Variants in ERC2 observed in about 807,000 individuals in gnomAD.
The protein encoded by ERC2 is ERC protein 2.
In ERC2, 42 loss-of-function variants were observed where a neutral mutation model predicts 114.8. The observed-to-expected ratio is 0.37, with a 90% CI of 0.29 to 0.47. The LOEUF (loss-of-function observed/expected upper bound fraction) is 0.47, where lower values mean the gene tolerates loss of function less well. Among genes scored for constraint, ERC2 ranks in the 20% least tolerant of loss-of-function variants. ERC2 has a pLI of 0.99. For synonymous variants in ERC2, 454 were observed against 425.5 expected, an observed-to-expected ratio of 1.07 and a Z score of -0.82; for missense variants, 939 against 1,150.7, an observed-to-expected ratio of 0.82 and a Z score of 2.66.
chr3:55,768,879 A>C (rs1051810460), intron 14 of ERC2, among the ~76,000 whole-genome samples: 2 of 152,156 alleles, frequency 1.3e-5, no homozygotes, highest in African/African-American at 4.8e-5. Context: ...TGAGCATGCA[A>C]TAGAGGGAAC....
intron 14 of ERC2, among the ~76,000 whole-genome samples, chr3:55,880,402 G>C (rs2063061011): frequency 6.6e-6 from 1 of 151,962 alleles, no homozygotes; most frequent in African/African-American, 2.4e-5. Flanking sequence ...TTGTTGTTTT[G>C]TTTTGTTTTT....
chr3:56,051,925 T>C (rs886187120), intron 7 of ERC2, among the ~76,000 whole-genome samples: 1 of 151,754 alleles, frequency 6.6e-6, no homozygotes, highest in South Asian at 2.1e-4. Context: ...TGTCCTAAGA[T>C]GTAGAAAATA....
chr3:56,060,764 T>C (rs375583512), intron 7 of ERC2, among the ~76,000 whole-genome samples: 19 of 152,292 alleles, frequency 1.2e-4, no homozygotes, highest in Admixed American at 8.5e-4. Context: ...AACAGCCAAA[T>C]TGAATCCACA....
chr3:55,583,594 T>TTCCTTCCC (rs1559693923), intron 17 of ERC2, among the ~76,000 whole-genome samples: 10 of 128,322 alleles, frequency 7.8e-5, no homozygotes, highest in Non-Finnish European at 8.5e-5. Context: ...CCTTCCTTCC[T>TTCCTTCCC]AGAAAGGCAA....
chr3:55,803,650 T>C (rs1480608147), intron 14 of ERC2, among the ~76,000 whole-genome samples: 1 of 152,014 alleles, frequency 6.6e-6, no homozygotes, highest in Non-Finnish European at 1.5e-5. Context: ...CAGAATGAAA[T>C]TGCACAGAGC....
chr3:56,067,353 C>T lies in ERC2; in HGVS notation c.1641+13464G>A, dbSNP rs537490587. Among the ~76,000 whole-genome samples the T allele has an allele frequency of 4.6e-5, 7 of 152,140 alleles. No homozygotes were observed. In the East Asian group the frequency reaches 1.4e-3, roughly 29 times the overall value. ...AGTTCATTCATGGCTCTCTGCTTGTCTATTGTTGGTGTATAGGAATGCTTG... is the reference window on the plus strand; with the variant it reads ...AGTTCATTCATGGCTCTCTGCTTGTTTATTGTTGGTGTATAGGAATGCTTG... On this transcript the variant is annotated intron_variant, in intron 7 of 17. Coordinates refer to ENST00000288221, the MANE Select transcript of ERC2 (RefSeq NM_015576.3).
chr3:56,369,852 T>C (rs991493437), intron 2 of ERC2, among the ~76,000 whole-genome samples: 20 of 152,282 alleles, frequency 1.3e-4, no homozygotes, highest in African/African-American at 4.3e-4. Flanking sequence ...AATTTTTGTA[T>C]TTTTAGTAGA....
rs1240937898 is a variant in ERC2 at position 55,876,877 on chromosome 3, AT to A, written c.2564+11511del. The stretch of plus-strand genomic sequence containing the variant: ...GAGCTACATAGTGAGCTGGTCTTTA[AT>A]GCCAAGAAAGCAAGCTAGAATCAAG... On this transcript the variant is annotated intron_variant, in intron 14 of 17. Coordinates refer to ENST00000288221, the MANE Select transcript of ERC2 (RefSeq NM_015576.3). Among the ~76,000 whole-genome samples, 26 of 152,314 alleles carry A rather than the reference AT, an allele frequency of 1.7e-4. No homozygotes were observed. In the South Asian group the frequency reaches 4.1e-3, roughly 24 times the overall value.
chr3:56,355,353 C>T (rs2058708420), intron 2 of ERC2, among the ~76,000 whole-genome samples: 1 of 146,512 alleles, frequency 6.8e-6, no homozygotes, highest in Non-Finnish European at 1.5e-5. Flanking sequence ...CATTCTCACT[C>T]TGTCACCCAG....
Position 55,516,450 on chromosome 3 carries a change from T to C in ERC2, c.*40-5174A>G, listed in dbSNP as rs181779437. Among the ~76,000 whole-genome samples, 104 of 151,692 alleles carry C rather than the reference T, an allele frequency of 6.9e-4. 1 individual carries two copies. In the East Asian group the frequency reaches 0.019, roughly 27 times the overall value. On this transcript the variant is annotated intron_variant, in intron 17 of 17. Coordinates refer to ENST00000288221, the MANE Select transcript of ERC2 (RefSeq NM_015576.3). Reference sequence around the variant, plus strand: ...CCTTGAAACCATAATTCAAAAAATATGAGTGGAGAGCAACATTTTACCTTG... The same window carrying C: ...CCTTGAAACCATAATTCAAAAAATACGAGTGGAGAGCAACATTTTACCTTG...
chr3:55,766,938 C>G (rs2067836673), intron 14 of ERC2: 1 of 152,290 alleles, frequency 6.6e-6, no homozygotes, highest in Admixed American at 6.5e-5. Flanking sequence ...TATCTTCCCT[C>G]TTATCATGTT....
chr3:55,896,622 G>A (rs987407249), intron 13 of ERC2, among the ~76,000 whole-genome samples: 2 of 152,182 alleles, frequency 1.3e-5, no homozygotes. Flanking sequence ...AGTGAAAACA[G>A]GATTCACAGC....
chr3:56,025,389 T>C (rs572680256), intron 7 of ERC2, among the ~76,000 whole-genome samples: 1 of 152,318 alleles, frequency 6.6e-6, no homozygotes, highest in South Asian at 2.1e-4. Context: ...ACAAAGCTAA[T>C]ATAAAGGGAT....
At chr3:55,719,847 A>G (rs1253456999) in intron 15 of ERC2, among the ~76,000 whole-genome samples, 4 of 152,042 alleles carry the variant, frequency 2.6e-5, no homozygotes, top group Non-Finnish European at 5.9e-5. Flanking sequence ...GACCCCCCAG[A>G]AGCCTAGACA....
intron 2 of ERC2, among the ~76,000 whole-genome samples, chr3:56,342,373 C>A (rs1466560971): frequency 6.6e-6 from 1 of 152,190 alleles, no homozygotes; most frequent in Admixed American, 6.5e-5. Context: ...GTGTTAGATT[C>A]CATAATAACA....
At chr3:56,243,889 T>C (rs148657027) in intron 3 of ERC2, among the ~76,000 whole-genome samples, 235 of 152,028 alleles carry the variant, frequency 1.5e-3, no homozygotes, top group Non-Finnish European at 2.7e-3. Context: ...CCCAGGTGAG[T>C]TTATATTGTC....
intron 2 of ERC2, among the ~76,000 whole-genome samples, chr3:56,333,887 T>C (rs1275810773): frequency 2.6e-5 from 4 of 152,222 alleles, no homozygotes; most frequent in African/African-American, 9.6e-5. Flanking sequence ...TTTTGAAGTC[T>C]AACTCCAGCC....
chr3:55,556,256 C>T (rs1325118504), intron 17 of ERC2, among the ~76,000 whole-genome samples: 1 of 152,176 alleles, frequency 6.6e-6, no homozygotes, highest in Non-Finnish European at 1.5e-5. Context: ...CCTGAGTACC[C>T]TTTCTCTCAC....
At chr3:56,343,873 C>A (rs918993681) in intron 2 of ERC2, among the ~76,000 whole-genome samples, 1 of 152,190 alleles carries the variant, frequency 6.6e-6, no homozygotes, top group Admixed American at 6.5e-5. Flanking sequence ...GTTACCTTCA[C>A]AAATTCTGTT....
Sources: allele counts gnomAD v4.1 joint callset (sites outside exome capture counted in the v4.1 genomes callset), GRCh38; gene constraint gnomAD v4.1.1; transcripts MANE v1.5; gene names NCBI Gene and HGNC (gene_info 2026-07-23, HGNC 2026-07-21).